The following TESPA1 variants were observed in gnomAD, a reference collection of about 807,000 sequenced individuals.
TESPA1 encodes protein TESPA1.
TESPA1 carries 33 observed loss-of-function variants against 57.9 expected under a neutral mutation model. That is an observed-to-expected ratio of 0.57 (90% CI 0.43 to 0.76). The LOEUF is 0.76. Ranked by LOEUF, TESPA1 falls within the 30% of genes least tolerant of loss-of-function variation. TESPA1 has a pLI of 0.00. For synonymous variants in TESPA1, 227 were observed against 228.9 expected (o/e 0.99, Z 0.07); for missense variants, 618 against 632.9 (o/e 0.98, Z 0.25).
Position 54,962,782 on chromosome 12 carries a change from C to T in TESPA1, c.1116G>A (p.Met372Ile), listed in dbSNP as rs759672700. 6.2e-7 allele frequency: 1 copy of T among 1,613,926 alleles called. No individual in the cohort carries two copies. Among genetic ancestry groups the T allele is most frequent in the Non-Finnish European group, 8.5e-7 (1 of 1,179,880 alleles). The change falls in exon 9 of 11, where the codon ATG becomes ATA. Residue 372 changes from methionine (M) to isoleucine (I), a missense_variant. By Grantham distance (10) the Met-to-Ile change is conservative (BLOSUM62 1). Transcript: ENST00000449076. ...TTTGGGATGGTGCTAGCACTGTGGA[C>T]ATCCTCTGCTGTGTTTCCTCTTCAC... Reference protein sequence around the residue: ...FCCEEETQQRMSTVLAPSQTL... With the variant: ...FCCEEETQQRISTVLAPSQTL...
chr12:54,973,885 TA>T, intron 2 of TESPA1: 1 of 1,067,290 alleles, frequency 9.4e-7, no homozygotes, highest in Non-Finnish European at 1.1e-6. Context: ...AATAAGCATT[TA>T]TTTCCATCAG....
At chr12:54,972,395 T>C (rs908497466) in intron 3 of TESPA1, among the ~76,000 whole-genome samples, 3 of 152,194 alleles carry the variant, frequency 2.0e-5, no homozygotes, top group African/African-American at 7.2e-5. Flanking sequence ...AATTGATGAC[T>C]CAAGAGTAGT....
rs117591221 is a variant in TESPA1 at position 54,948,541 on chromosome 12, A to G, written c.*1851T>C. On this transcript the variant is annotated 3_prime_UTR_variant, in exon 11 of 11. Coordinates refer to ENST00000449076, the MANE Select transcript of TESPA1 (RefSeq NM_001136030.3). ...TTCTTACAAGATCTGGTCATTTAAA[A>G]GTGTTAGCACCTCCCCTTTCCTTTG... The G allele has an allele frequency of 0.014, 2,209 of 152,578 alleles. 43 individuals carry two copies. Among genetic ancestry groups the G allele is most frequent in the East Asian group, 0.09 (466 of 5,166 alleles). 9.5% of individuals were successfully genotyped at this position (152,578 alleles called of 1,614,324 possible).
At chr12:54,966,703 G>C (rs1951458863) in intron 5 of TESPA1, among the ~76,000 whole-genome samples, 1 of 135,674 alleles carries the variant, frequency 7.4e-6, no homozygotes, top group South Asian at 2.1e-4. Flanking sequence ...AAAAAGGATA[G>C]AGTCATTTGG....
rs79264525 is a variant in TESPA1 at position 54,949,626 on chromosome 12, C to T, written c.*766G>A. On this transcript the variant is annotated 3_prime_UTR_variant, in exon 11 of 11. Transcript: ENST00000449076. ...GCTGTTAGTTAACTTTAAAAACATG[C>T]CATGATTTAAAAAAAATATTTGTAT... The T allele has an allele frequency of 3.8e-3, 585 of 152,452 alleles. 2 individuals are homozygous for T. Among genetic ancestry groups the T allele is most frequent in the East Asian group, 0.027 (138 of 5,180 alleles). 9.4% of individuals were successfully genotyped at this position (152,452 alleles called of 1,614,324 possible).
chr12:54,984,409 C>T (rs935660844), intron 1 of TESPA1, among the ~76,000 whole-genome samples, 176 bp downstream of exon 1: 2 of 152,210 alleles, frequency 1.3e-5, no homozygotes, highest in African/African-American at 4.8e-5. Context: ...CACCCAGCAT[C>T]GTTCTCCTAG....
rs549695460 is a variant in TESPA1, at chr12:54,948,500, C to T, written c.*1892G>A. The T allele has an allele frequency of 1.1e-3, 176 of 153,164 alleles. No individual in the cohort carries two copies. The highest frequency in any genetic ancestry group is 3.4e-3 in the Middle Eastern group (1 of 294). 9.5% of individuals were successfully genotyped at this position (153,164 alleles called of 1,614,324 possible). On this transcript the variant is annotated 3_prime_UTR_variant, in exon 11 of 11. Coordinates refer to ENST00000449076, the MANE Select transcript of TESPA1 (RefSeq NM_001136030.3). ...CGTTTAGCACCATCTCCCCTTGGTA[C>T]TGTATAATGAGTGAGTTCTTACAAG...
chr12:54,967,990 T>A, intron 3 of TESPA1, 98 bp from the exon 4 acceptor site: 1 of 1,576,802 alleles, frequency 6.3e-7, no homozygotes, highest in Non-Finnish European at 8.6e-7. Flanking sequence ...TCTTTTCCAG[T>A]GAGAGTCAGT....
intron 10 of TESPA1, among the ~76,000 whole-genome samples, chr12:54,957,603 T>C (rs1042919680): frequency 1.3e-5 from 2 of 152,178 alleles, no homozygotes; most frequent in Admixed American, 1.3e-4. Flanking sequence ...TGTGAAAAGA[T>C]GGTTAAACAA....
intron 10 of TESPA1, among the ~76,000 whole-genome samples, chr12:54,956,859 G>C (rs1395748544): frequency 6.6e-6 from 1 of 152,114 alleles, no homozygotes; most frequent in Non-Finnish European, 1.5e-5. Context: ...AGCGTGAGAG[G>C]GCAAGAAAGC....
chr12:54,975,061 G>A (rs1216948624), intron 1 of TESPA1, among the ~76,000 whole-genome samples: 1 of 151,972 alleles, frequency 6.6e-6, no homozygotes, highest in African/African-American at 2.4e-5. Flanking sequence ...AAAATTTAGG[G>A]TCTCAAAGGT....
At chr12:54,973,590 A>G in intron 2 of TESPA1, 71 bp from the exon 3 acceptor site, 1 of 1,611,802 alleles carries the variant, frequency 6.2e-7, no homozygotes, top group Non-Finnish European at 8.5e-7. Flanking sequence ...AACTAATTCC[A>G]TTCCACAAGT....
intron 10 of TESPA1, among the ~76,000 whole-genome samples, chr12:54,956,556 T>C (rs1950748770): frequency 1.3e-5 from 2 of 152,172 alleles, no homozygotes; most frequent in African/African-American, 4.8e-5. Flanking sequence ...TGGGTCATCC[T>C]TTCTCAGGAA....
chr12:54,957,532 G>A (rs144388842), intron 10 of TESPA1, among the ~76,000 whole-genome samples: 38 of 152,236 alleles, frequency 2.5e-4, no homozygotes, highest in African/African-American at 8.4e-4. Flanking sequence ...AGCTCTCTCC[G>A]CTTCTTGAGA....
intron 1 of TESPA1, among the ~76,000 whole-genome samples, chr12:54,978,656 C>T (rs1952214224): frequency 6.6e-6 from 1 of 152,194 alleles, no homozygotes; most frequent in African/African-American, 2.4e-5. Flanking sequence ...GGAACTTATA[C>T]AGGGAGTCAG....
intron 10 of TESPA1, among the ~76,000 whole-genome samples, chr12:54,958,758 T>C (rs1950890261): frequency 6.6e-6 from 1 of 152,206 alleles, no homozygotes. Flanking sequence ...AGCTATAGTC[T>C]CAAGCTCAGA....
chr12:54,951,164 A>C (rs1340097292), intron 10 of TESPA1, among the ~76,000 whole-genome samples: 1 of 152,192 alleles, frequency 6.6e-6, no homozygotes. Flanking sequence ...AGGTGATTGG[A>C]TCACAGAAGC....
At chr12:54,969,021 G>GTGTGTATATATATATA (rs370590552) in intron 3 of TESPA1, among the ~76,000 whole-genome samples, 3 of 83,672 alleles carry the variant, frequency 3.6e-5, no homozygotes, top group African/African-American at 1.4e-4. Flanking sequence ...ATTTATATAT[G>GTGTGTATATATATATA]TATATATATA....
At chr12:54,970,486 T>C (rs978781554) in intron 3 of TESPA1, among the ~76,000 whole-genome samples, 5 of 152,222 alleles carry the variant, frequency 3.3e-5, no homozygotes, top group Non-Finnish European at 7.3e-5. Context: ...ATTTCTATTC[T>C]CTTTATGAGG....
Sources: gnomAD v4.1 joint callset for allele counts (sites outside exome capture counted in the v4.1 genomes callset) on GRCh38, gnomAD v4.1.1 for gene constraint, MANE v1.5 for transcripts, NCBI Gene and HGNC (gene_info 2026-07-23, HGNC 2026-07-21) for gene names.